Variants in PDE3A observed in about 807,000 individuals in gnomAD.
The protein encoded by PDE3A is phosphodiesterase 3A.
In PDE3A, 43 loss-of-function variants were observed where a neutral mutation model predicts 98.3. That is an observed-to-expected ratio of 0.44 (90% CI 0.34 to 0.56). The LOEUF is 0.56. Ranked by LOEUF, PDE3A falls within the 20% of genes least tolerant of loss-of-function variation. The pLI, the probability that PDE3A is intolerant of heterozygous loss-of-function variation, is 0.01. For missense variants in PDE3A, 1,427 were observed against 1,440.7 expected (o/e 0.99, Z 0.15); for synonymous variants, 663 against 567.9 (o/e 1.17, Z -2.38).
intron 2 of PDE3A, among the ~76,000 whole-genome samples, chr12:20,572,339 A>G (rs1306568608): frequency 6.6e-6 from 1 of 152,148 alleles, no homozygotes; most frequent in Non-Finnish European, 1.5e-5. Flanking sequence ...TTAATGAGTT[A>G]TAAAAATATG....
intron 2 of PDE3A, among the ~76,000 whole-genome samples, chr12:20,612,389 G>T (rs1943880952): frequency 6.6e-6 from 1 of 151,230 alleles, no homozygotes; most frequent in Non-Finnish European, 1.5e-5. Flanking sequence ...TTTTCTCACA[G>T]ACCATTTCCT....
chr12:20,489,778 G>A (rs142906877), intron 1 of PDE3A, among the ~76,000 whole-genome samples: 15 of 152,270 alleles, frequency 9.9e-5, no homozygotes, highest in African/African-American at 3.6e-4. Flanking sequence ...TCTTAGGTCA[G>A]GATAACAGCT....
intron 1 of PDE3A, among the ~76,000 whole-genome samples, chr12:20,390,146 T>C (rs1482812069): frequency 6.6e-6 from 1 of 150,460 alleles, no homozygotes; most frequent in East Asian, 2.0e-4. Context: ...TGCTGAGGAG[T>C]AGAGGTGGGA....
chr12:20,525,667 C>T (rs945509998), intron 1 of PDE3A, among the ~76,000 whole-genome samples: 5 of 152,114 alleles, frequency 3.3e-5, no homozygotes, highest in African/African-American at 1.2e-4. Flanking sequence ...TGCTGTGTAA[C>T]GTTGCTGCTG....
At chr12:20,671,694 A>G (rs377555116) in intron 15 of PDE3A, among the ~76,000 whole-genome samples, 4 of 146,462 alleles carry the variant, frequency 2.7e-5, no homozygotes, top group Admixed American at 6.9e-5. Context: ...TTGATGGGAC[A>G]TATTTCAAAA....
chr12:20,396,044 A>G (rs1213373857), intron 1 of PDE3A, among the ~76,000 whole-genome samples: 1 of 152,056 alleles, frequency 6.6e-6, no homozygotes, highest in African/African-American at 2.4e-5. Flanking sequence ...TACAAACATG[A>G]GCCACTGCAC....
At chr12:20,677,739 G>A (rs905266614) in intron 15 of PDE3A, among the ~76,000 whole-genome samples, 1 of 152,144 alleles carries the variant, frequency 6.6e-6, no homozygotes, top group Non-Finnish European at 1.5e-5. Flanking sequence ...GATTACAGCC[G>A]ATTTATTAAA....
intron 1 of PDE3A, among the ~76,000 whole-genome samples, chr12:20,406,977 GC>G (rs1944244541): frequency 6.6e-6 from 1 of 152,100 alleles, no homozygotes; most frequent in Non-Finnish European, 1.5e-5. Context: ...TTTATTCTGT[GC>G]CCTTGTTAAG....
chr12:20,521,278 A>T (rs1946420427), intron 1 of PDE3A, among the ~76,000 whole-genome samples: 1 of 152,090 alleles, frequency 6.6e-6, no homozygotes, highest in Non-Finnish European at 1.5e-5. Context: ...ACTTCTACAC[A>T]ATCTAGCTTC....
chr12:20,579,879 A>T (rs1186467616), intron 2 of PDE3A, among the ~76,000 whole-genome samples: 1 of 152,220 alleles, frequency 6.6e-6, no homozygotes, highest in African/African-American at 2.4e-5. Flanking sequence ...TTGAAGAGCC[A>T]TGTATTATAG....
chr12:20,496,968 G>A (rs1945931421), intron 1 of PDE3A, among the ~76,000 whole-genome samples: 1 of 152,138 alleles, frequency 6.6e-6, no homozygotes, highest in Non-Finnish European at 1.5e-5. Context: ...CCATGAGGAC[G>A]CCTTGTACTT....
At chr12:20,502,323 G>A (rs1318041308) in intron 1 of PDE3A, among the ~76,000 whole-genome samples, 2 of 152,140 alleles carry the variant, frequency 1.3e-5, no homozygotes, top group Admixed American at 6.6e-5. Flanking sequence ...ATACAGAAAA[G>A]TATATTTAGT....
chr12:20,552,647 C>T lies in PDE3A; in HGVS notation c.961-4013C>T, dbSNP rs1942245425. On this transcript the variant is annotated intron_variant, in intron 1 of 15. Coordinates refer to ENST00000359062, the MANE Select transcript of PDE3A (RefSeq NM_000921.5). This position sits in a 1 kb window ranked among gnomAD's most constrained non-coding sequence, Gnocchi z 5.1. ...ACATCCAAGAAAACCAAGGTGGAGC[C>T]CTACAGTCTCACGGCCCAGCAGAGC... The T allele has an allele frequency of 6.2e-7, 1 of 1,613,872 alleles. No homozygotes were observed. The highest frequency in any genetic ancestry group is 1.1e-5 in the South Asian group (1 of 91,058).
At chr12:20,409,862 T>C (rs1944302269) in intron 1 of PDE3A, among the ~76,000 whole-genome samples, 2 of 152,172 alleles carry the variant, frequency 1.3e-5, no homozygotes, top group African/African-American at 4.8e-5. Context: ...TTCCTTAGCT[T>C]TTGGTCTTCT....
chr12:20,616,460 A>G, intron 4 of PDE3A, 76 bp downstream of exon 4: 1 of 1,400,764 alleles, frequency 7.1e-7, no homozygotes, highest in Non-Finnish European at 9.9e-7. Context: ...ATTACAGGAG[A>G]AGGAAGGCTA....
At chr12:20,486,350 A>G (rs1194801156) in intron 1 of PDE3A, among the ~76,000 whole-genome samples, 1 of 152,164 alleles carries the variant, frequency 6.6e-6, no homozygotes, top group Non-Finnish European at 1.5e-5. Flanking sequence ...AGATCTCTTG[A>G]GAACTCACTA....
intron 1 of PDE3A, among the ~76,000 whole-genome samples, chr12:20,525,636 C>G (rs907453609): frequency 2.0e-5 from 3 of 152,080 alleles, no homozygotes; most frequent in Non-Finnish European, 2.9e-5. Flanking sequence ...ATGATTTACT[C>G]TTAATAGGAT....
At chr12:20,513,596 G>A (rs1009524612) in intron 1 of PDE3A, among the ~76,000 whole-genome samples, 1 of 152,118 alleles carries the variant, frequency 6.6e-6, no homozygotes. Context: ...AATTTCTCAT[G>A]GAATTTGTGG....
chr12:20,589,635 G>A (rs1261971002), intron 2 of PDE3A, among the ~76,000 whole-genome samples: 2 of 151,872 alleles, frequency 1.3e-5, no homozygotes, highest in African/African-American at 4.8e-5. Flanking sequence ...TTGGGAGGCC[G>A]AGGCGGGCAG....
Sources: allele counts gnomAD v4.1 joint callset (sites outside exome capture counted in the v4.1 genomes callset), GRCh38; gene constraint gnomAD v4.1.1; non-coding constraint Gnocchi (gnomAD v3.1); transcripts MANE v1.5; gene names NCBI Gene and HGNC (gene_info 2026-07-23, HGNC 2026-07-21).